NAP1L1: variants seen among roughly 807,000 people sequenced by gnomAD.
NAP1L1 encodes nucleosome assembly protein 1 like 1, also known as nucleosome assembly protein 1-like 1.
NAP1L1 carries 9 observed loss-of-function variants against 58.9 expected under a neutral mutation model. The observed-to-expected ratio is 0.15, with a 90% confidence interval of 0.09 to 0.27. The LOEUF (loss-of-function observed/expected upper bound fraction) is 0.27. Ranked by LOEUF, NAP1L1 falls within the 10% of genes least tolerant of loss-of-function variation. The pLI is 1.00. For synonymous variants in NAP1L1, 130 were observed against 138.3 expected (o/e 0.94, Z 0.42); for missense variants, 302 against 458.8 (o/e 0.66, Z 3.12).
At chr12:76,054,879 T>A (rs1949008183) in intron 8 of NAP1L1, 140 bp downstream of exon 8, 1 of 476,684 alleles carries the variant, frequency 2.1e-6, no homozygotes, top group African/African-American at 2.0e-5. Context: ...AAATACTGCC[T>A]CACAATTAGC....
chr12:76,077,183 T>A (rs1002693078), intron 1 of NAP1L1, among the ~76,000 whole-genome samples: 1 of 152,216 alleles, frequency 6.6e-6, no homozygotes, highest in Non-Finnish European at 1.5e-5. Context: ...CAGTTTAAAT[T>A]CTTAAAATGA....
rs201324738 is a variant in NAP1L1, at chr12:76,067,472, T to C, written c.105A>G (p.Ala35=). 4 of 1,567,414 alleles carry C rather than the reference T, an allele frequency of 2.6e-6. No homozygotes were observed. The change falls in exon 4 of 15, where the codon GCA becomes GCG. Residue 35 remains alanine (A), a splice_region_variant and synonymous_variant. Coordinates refer to ENST00000618691, the MANE Select transcript of NAP1L1 (RefSeq NM_004537.7). ...GCATCATCTGAACAGTTAGCTGACG[T>C]GCTTTAAAAAAAAAAGGGCATCGAA... ...EETGEETKLK[A]RQLTVQMMQN...
At chr12:76,083,793 G>A (rs1026037459) in intron 1 of NAP1L1, 1 of 152,210 alleles carries the variant, frequency 6.6e-6, no homozygotes, top group Non-Finnish European at 1.5e-5. Flanking sequence ...AGAGAAGCAG[G>A]GAAGAGTTTG....
intron 11 of NAP1L1, 91 bp from the exon 12 acceptor site, chr12:76,050,744 T>C (rs956098255): frequency 2.2e-6 from 3 of 1,389,028 alleles, no homozygotes; most frequent in Non-Finnish European, 2.9e-6. Flanking sequence ...CTGGGTGTGA[T>C]GGCTCACAAC....
chr12:76,050,990 G>T (rs1197094028), intron 11 of NAP1L1, among the ~76,000 whole-genome samples: 3 of 135,098 alleles, frequency 2.2e-5, no homozygotes, highest in African/African-American at 5.8e-5. Context: ...GTGTACTCTA[G>T]CCTGGGCAAC....
intron 1 of NAP1L1, among the ~76,000 whole-genome samples, chr12:76,081,156 CAGA>C (rs1950391743): frequency 1.3e-5 from 2 of 152,106 alleles, no homozygotes; most frequent in African/African-American, 4.8e-5. Context: ...TGATTTATAG[CAGA>C]ACAGTGTAAG....
chr12:76,038,789 C>A lies in NAP1L1; in HGVS notation c.*9640G>T, dbSNP rs953293613. On this transcript the variant is annotated 3_prime_UTR_variant, in exon 15 of 15. Transcript: ENST00000618691. Reference sequence around the variant, plus strand: ...CCAGAAAAAGAAATCCCATTAGAACCGCCCCCATCACAATAACTACCTAAG... The same window carrying A: ...CCAGAAAAAGAAATCCCATTAGAACAGCCCCCATCACAATAACTACCTAAG... The A allele has an allele frequency of 2.0e-5, 3 of 152,066 alleles. No homozygotes were observed. Among genetic ancestry groups the A allele is most frequent in the African/African-American group, 7.2e-5 (3 of 41,396 alleles). 9.4% of individuals were successfully genotyped at this position (152,066 alleles called of 1,614,324 possible). A position where few individuals can be genotyped will look rare whatever the true frequency, so the allele number is the denominator to read the frequency against.
At chr12:76,057,289 C>A in intron 6 of NAP1L1, 1 of 315,840 alleles carries the variant, frequency 3.2e-6, no homozygotes, top group East Asian at 7.8e-5. Context: ...GTCCCTGTCT[C>A]TTAAACAAAA....
At position 76,053,772 on chromosome 12, in the gene NAP1L1, T is replaced by G. The variant is rs1948949870; in HGVS notation, c.768A>C (p.Thr256=). 1 of 1,608,416 alleles carries G rather than the reference T, an allele frequency of 6.2e-7. No homozygotes were observed. The highest frequency in any genetic ancestry group is 2.2e-5 in the East Asian group (1 of 44,642). ...TAAGGTAGTAAAATTAAACTCACCC[T>G]GTACAACCCATAATTTCTGGTCCAT... is the stretch of plus-strand genomic sequence containing the variant. ...SFDGPEIMGC[T]GCQIDWKKGK... is the part of the protein sequence containing the mutation. Residue 256 remains threonine, a splice_region_variant and synonymous_variant, in exon 9 of 15, where the codon ACA becomes ACC. Transcript: ENST00000618691.
Position 76,068,938 on chromosome 12 carries a change from T to TCTTCTTCTA in NAP1L1, c.65_73dup (p.Val22_Glu24dup), listed in dbSNP as rs1949819937. The TCTTCTTCTA allele has an allele frequency of 6.2e-7, 1 of 1,613,404 alleles. No individual in the cohort carries two copies. Among genetic ancestry groups the TCTTCTTCTA allele is most frequent in the South Asian group, 1.1e-5 (1 of 91,030 alleles). The stretch of plus-strand genomic sequence containing the variant: ...GAGTTTTGTTTCTTCACCAGTTTCC[T>TCTTCTTCTA]CTTCTTCTACTTCTTCAACATCATC... On this transcript the variant is annotated inframe_insertion, in exon 3 of 15. Transcript: ENST00000618691.
chr12:76,083,053 C>T (rs1248310607), intron 1 of NAP1L1, among the ~76,000 whole-genome samples: 2 of 152,124 alleles, frequency 1.3e-5, no homozygotes, highest in African/African-American at 2.4e-5. Flanking sequence ...GTCTAAAATA[C>T]GGGCTCCTTG....
At chr12:76,058,305 C>T (rs1949230037) in intron 6 of NAP1L1, among the ~76,000 whole-genome samples, 1 of 150,304 alleles carries the variant, frequency 6.7e-6, no homozygotes, top group East Asian at 1.9e-4. Flanking sequence ...TTTTTTATTG[C>T]CAAAGTCAAA....
chr12:76,050,985 C>T (rs1427259329), intron 11 of NAP1L1, among the ~76,000 whole-genome samples: 1 of 143,110 alleles, frequency 7.0e-6, no homozygotes, highest in East Asian at 2.0e-4. Flanking sequence ...CACCAGTGTA[C>T]TCTAGCCTGG....
chr12:76,049,278 G>A, intron 13 of NAP1L1, 28 bp from the exon 14 acceptor site: 1 of 1,613,076 alleles, frequency 6.2e-7, no homozygotes, highest in South Asian at 1.1e-5. Context: ...ATGCATCCAT[G>A]AAGTATGTAC....
intron 1 of NAP1L1, among the ~76,000 whole-genome samples, chr12:76,078,861 C>A (rs140965206): frequency 1.3e-5 from 2 of 152,104 alleles, no homozygotes; most frequent in African/African-American, 4.8e-5. Flanking sequence ...GTTCTGGGAG[C>A]AGGAGGACAG....
intron 6 of NAP1L1, chr12:76,057,555 C>T (rs536577854): frequency 1.3e-5 from 11 of 861,648 alleles, no homozygotes; most frequent in South Asian, 8.4e-5. Context: ...CTGACGTTTC[C>T]GATTCCAATA....
At chr12:76,074,381 G>A (rs1285477758) in intron 1 of NAP1L1, 142 bp from the exon 2 acceptor site, 4 of 1,322,654 alleles carry the variant, frequency 3.0e-6, no homozygotes, top group African/African-American at 1.5e-5. Context: ...TCAGTGTTAA[G>A]AAGAAAAAAC....
intron 1 of NAP1L1, among the ~76,000 whole-genome samples, chr12:76,081,512 CG>C (rs1427565678): frequency 2.6e-5 from 4 of 152,124 alleles, no homozygotes; most frequent in Non-Finnish European, 5.9e-5. Flanking sequence ...AAGGCAAAAT[CG>C]CTTGAGGTGA....
chr12:76,049,848 G>A lies in NAP1L1; in HGVS notation c.1060-63C>T, dbSNP rs999028219. The A allele has an allele frequency of 7.7e-6, 12 of 1,564,036 alleles. No individual in the cohort carries two copies. The African/African-American group carries it at 1.6e-4, about 21-fold the overall frequency. On this transcript the variant is annotated intron_variant, in intron 12 of 14. Transcript: ENST00000618691. ...TAACACACATTTCAGAGTAGCATCA[G>A]TAACATTTATCACTGTATAAACTAG...
Sources: allele counts gnomAD v4.1 joint callset (sites outside exome capture counted in the v4.1 genomes callset), GRCh38; gene constraint gnomAD v4.1.1; transcripts MANE v1.5; gene names NCBI Gene and HGNC (gene_info 2026-07-23, HGNC 2026-07-21).